Variants in CORIN observed in about 807,000 individuals in gnomAD.
CORIN encodes atrial natriuretic peptide-converting enzyme.
CORIN carries 117 observed loss-of-function variants against 125.3 expected under a neutral mutation model. The ratio of observed to expected loss-of-function variants is 0.93; its 90% CI spans 0.80 to 1.09. CORIN has a LOEUF of 1.09. Among genes scored for constraint, CORIN ranks in the 50% least tolerant of loss-of-function variants. CORIN has a pLI of 0.00. For missense variants in CORIN, 1,253 were observed against 1,306.7 expected (o/e 0.96, Z 0.63); for synonymous variants, 450 against 466.4 (o/e 0.96, Z 0.45).
In CORIN at chr4:47,700,444, T is replaced by G. The variant is rs184525951; in HGVS notation, c.800-7361A>C. Among the ~76,000 whole-genome samples, 351 of 152,286 alleles carry G rather than the reference T, an allele frequency of 2.3e-3. 3 individuals carry two copies. The highest frequency in any genetic ancestry group is 7.4e-4 in the Non-Finnish European group (50 of 68,024). Reference sequence around the variant, plus strand: ...ACAATATTTTCTTAAAGTAAATTCATACTTCCCCACTCAAAAAGCTGATGA... The same window carrying G: ...ACAATATTTTCTTAAAGTAAATTCAGACTTCCCCACTCAAAAAGCTGATGA... On this transcript the variant is annotated intron_variant, in intron 5 of 21. Coordinates refer to ENST00000273857, the MANE Select transcript of CORIN (RefSeq NM_006587.4).
chr4:47,809,396 CTTTTTT>C (rs374248975), intron 1 of CORIN, among the ~76,000 whole-genome samples: 3 of 107,362 alleles, frequency 2.8e-5, no homozygotes, highest in African/African-American at 4.4e-5. Context: ...GAATTGATTG[CTTTTTT>C]TTTTTTTTTT....
In CORIN at chr4:47,817,550, C is replaced by T. The variant is rs78834774; in HGVS notation, c.64-10503G>A. 5.8e-3 allele frequency among the ~76,000 whole-genome samples: 882 copies of T among 152,276 alleles called. 8 individuals carry two copies. The highest frequency in any genetic ancestry group is 0.02 in the African/African-American group (826 of 41,552). On this transcript the variant is annotated intron_variant, in intron 1 of 21. Coordinates refer to ENST00000273857, the MANE Select transcript of CORIN (RefSeq NM_006587.4). The stretch of plus-strand genomic sequence containing the variant: ...GGCTGAGGTAGGATCAAGTTTTTAG[C>T]TTCTGGAGGTGAACAGGACAAAAGG...
chr4:47,665,649 C>G, intron 10 of CORIN, among the ~76,000 whole-genome samples: 1 of 152,308 alleles, frequency 6.6e-6, no homozygotes, highest in East Asian at 1.9e-4. Flanking sequence ...TCTTCACTGT[C>G]ACTAAACTAA....
intron 3 of CORIN, among the ~76,000 whole-genome samples, chr4:47,783,124 T>C (rs2109910342): frequency 6.6e-6 from 1 of 152,214 alleles, no homozygotes; most frequent in African/African-American, 2.4e-5. Context: ...TATTATCTTT[T>C]ACCCAAAAGA....
chr4:47,668,624 C>T (rs1341495443), intron 10 of CORIN, among the ~76,000 whole-genome samples: 4 of 152,184 alleles, frequency 2.6e-5, no homozygotes, highest in South Asian at 2.1e-4. Context: ...GCATACCCTC[C>T]GTTTCTTTCT....
chr4:47,826,877 T>C (rs1323200774), intron 1 of CORIN, among the ~76,000 whole-genome samples: 1 of 152,200 alleles, frequency 6.6e-6, no homozygotes, highest in Non-Finnish European at 1.5e-5. Context: ...TGCAGCTCAT[T>C]TGAACTGAGA....
In CORIN at chr4:47,626,454, T is replaced by TG; in HGVS notation, c.2265dup (p.Asn756GlnfsTer12). ...GTGGTCCCATTGAGGCTCTCCCAGT[T>TG]GGAGTGTAATGTCAGCCACCGCGGC... On this transcript the variant is annotated frameshift_variant, in exon 17 of 22. Transcript: ENST00000273857. LOFTEE classifies it high-confidence loss of function. The TG allele has an allele frequency of 6.2e-7, 1 of 1,614,086 alleles. No homozygotes were observed. The highest frequency in any genetic ancestry group is 8.5e-7 in the Non-Finnish European group (1 of 1,179,936).
chr4:47,793,027 CTGT>C (rs892227612), intron 2 of CORIN, among the ~76,000 whole-genome samples: 258 of 149,044 alleles, frequency 1.7e-3, no homozygotes, highest in African/African-American at 6.0e-3. Flanking sequence ...TTGTAGAAGC[CTGT>C]TGTTGTTGTT....
chr4:47,786,615 T>C, intron 3 of CORIN, 110 bp downstream of exon 3: 2 of 785,432 alleles, frequency 2.5e-6, no homozygotes, highest in Non-Finnish European at 4.2e-6. Context: ...GAGTGGAGAT[T>C]TTCCTGTGTG....
At chr4:47,606,793 C>G (rs1420304481) in intron 19 of CORIN, among the ~76,000 whole-genome samples, 1 of 150,116 alleles carries the variant, frequency 6.7e-6, no homozygotes, top group Non-Finnish European at 1.5e-5. Flanking sequence ...TCGTTCCTTC[C>G]TTTTTCACTA....
intron 4 of CORIN, among the ~76,000 whole-genome samples, chr4:47,748,416 T>C (rs1400576638): frequency 6.6e-6 from 1 of 152,202 alleles, no homozygotes; most frequent in African/African-American, 2.4e-5. Context: ...ATGTCTGAAG[T>C]GCATTTGGTG....
intron 5 of CORIN, among the ~76,000 whole-genome samples, chr4:47,735,811 T>C (rs1400271088): frequency 3.9e-5 from 6 of 152,060 alleles, no homozygotes; most frequent in Admixed American, 3.9e-4. Context: ...TCCCAGCTAC[T>C]CCGGAGGCTG....
intron 2 of CORIN, among the ~76,000 whole-genome samples, chr4:47,793,257 T>TC (rs1311456005): frequency 2.6e-5 from 4 of 152,040 alleles, no homozygotes; most frequent in African/African-American, 9.7e-5. Flanking sequence ...TATACATCAA[T>TC]CCCCGAGCAG....
intron 21 of CORIN, among the ~76,000 whole-genome samples, chr4:47,596,281 T>C (rs17462424): frequency 0.36 from 54,277 of 151,900 alleles, 9,961 homozygotes; most frequent in Admixed American, 0.4. Flanking sequence ...CTGTGGAAAG[T>C]ACCCAAAATG....
rs556700124 is a variant in CORIN at position 47,598,372 on chromosome 4, A to G, written c.2946+1842T>C. 1.8e-4 allele frequency among the ~76,000 whole-genome samples: 28 copies of G among 152,278 alleles called. No homozygotes were observed. The South Asian group carries it at 3.7e-3, about 20-fold the overall frequency. On this transcript the variant is annotated intron_variant, in intron 21 of 21. Coordinates refer to ENST00000273857, the MANE Select transcript of CORIN (RefSeq NM_006587.4). Reference sequence around the variant, plus strand: ...AGAGAATATCTGGTATGCATTTAGTATACCCAGTACTAAATGAACTTCCAC... The same window carrying G: ...AGAGAATATCTGGTATGCATTTAGTGTACCCAGTACTAAATGAACTTCCAC...
At chr4:47,735,886 A>G (rs1728109460) in intron 5 of CORIN, among the ~76,000 whole-genome samples, 1 of 149,622 alleles carries the variant, frequency 6.7e-6, no homozygotes, top group African/African-American at 2.5e-5. Context: ...AGATCGCGTC[A>G]CTGCACTCCA....
intron 5 of CORIN, among the ~76,000 whole-genome samples, chr4:47,722,649 T>A (rs1313124173): frequency 1.3e-5 from 2 of 152,182 alleles, no homozygotes; most frequent in Non-Finnish European, 2.9e-5. Flanking sequence ...GACCAGAGGC[T>A]CATTTCAGGC....
chr4:47,705,733 GGAAA>G (rs1204956742), intron 5 of CORIN, among the ~76,000 whole-genome samples: 3 of 152,058 alleles, frequency 2.0e-5, no homozygotes, highest in Non-Finnish European at 4.4e-5. Flanking sequence ...TCAGCAAAAG[GGAAA>G]GAAATTTATT....
At chr4:47,702,478 T>A (rs1402898724) in intron 5 of CORIN, among the ~76,000 whole-genome samples, 1 of 152,124 alleles carries the variant, frequency 6.6e-6, no homozygotes, top group African/African-American at 2.4e-5. Flanking sequence ...AGGACAAACA[T>A]AAACAAAGAA....
Sources: allele counts gnomAD v4.1 joint callset (sites outside exome capture counted in the v4.1 genomes callset), GRCh38; gene constraint gnomAD v4.1.1; transcripts MANE v1.5; gene names NCBI Gene and HGNC (gene_info 2026-07-23, HGNC 2026-07-21).